Variants in RAD51C observed in about 807,000 individuals in gnomAD.
RAD51C encodes the protein RAD51 paralog C.
In RAD51C, 42 loss-of-function variants were observed where a neutral mutation model predicts 45.0. That is an observed-to-expected ratio of 0.93 (90% CI 0.73 to 1.21). RAD51C has a LOEUF of 1.21. Among genes scored for constraint, RAD51C ranks in the 50% most tolerant of loss-of-function variants. The probability of loss-of-function intolerance (pLI) is 0.00; values close to 1 mark genes in which losing one functional copy is unlikely to be tolerated. For missense variants in RAD51C, 474 were observed against 452.2 expected (o/e 1.05, Z -0.44); for synonymous variants, 172 against 159.8 (o/e 1.08, Z -0.58).
At position 58,713,621 on chromosome 17, in the gene RAD51C, A is replaced by C. The variant is rs994110898; in HGVS notation, c.837+3631A>C. Among the ~76,000 whole-genome samples, 9 of 152,082 alleles carry C rather than the reference A, an allele frequency of 5.9e-5. No individual in the cohort carries two copies. The East Asian group carries it at 1.5e-3, about 26-fold the overall frequency. On this transcript the variant is annotated intron_variant, in intron 5 of 8. Transcript: ENST00000337432. ...TCAGGAGTTCAAGACCAGCCTTGCC[A>C]ACATGGTGAAACCTTGTCTCTACTA...
At position 58,709,987 on chromosome 17, in the gene RAD51C, A is replaced by C. The variant is rs543416334; in HGVS notation, c.834A>C (p.Leu278Phe). 2 of 1,612,098 alleles carry C rather than the reference A, an allele frequency of 1.2e-6. No individual in the cohort carries two copies. Among genetic ancestry groups the C allele is most frequent in the South Asian group, 2.2e-5 (2 of 91,038 alleles). The change falls in exon 5 of 9, where the codon TTA becomes TTC. Residue 278 changes from leucine to phenylalanine, a missense_variant. Transcript: ENST00000337432. ...QMISLANNHR[L>F]AVILTNQMTT... ...TCAGCCTTGCAAATAATCACAGATTAGCTGTAAGTATTAACTAGTGAAGAG... is the reference window on the plus strand; with the variant it reads ...TCAGCCTTGCAAATAATCACAGATTCGCTGTAAGTATTAACTAGTGAAGAG...
intron 4 of RAD51C, 117 bp downstream of exon 4, chr17:58,703,446 C>A (rs2048280598): frequency 4.5e-6 from 5 of 1,099,056 alleles, no homozygotes; most frequent in Middle Eastern, 2.9e-4. Flanking sequence ...TTGAGAAAAT[C>A]TCTTCCTTCC....
intron 3 of RAD51C, among the ~76,000 whole-genome samples, chr17:58,699,277 A>G (rs1177096855): frequency 6.6e-6 from 1 of 152,112 alleles, no homozygotes; most frequent in Non-Finnish European, 1.5e-5. Context: ...AAGTGCTGGG[A>G]TTACAGGCAT....
chr17:58,727,599 G>A (rs2049217795), intron 7 of RAD51C, among the ~76,000 whole-genome samples: 1 of 151,076 alleles, frequency 6.6e-6, no homozygotes, highest in African/African-American at 2.4e-5. Flanking sequence ...GATAAATAAT[G>A]TACATACTTT....
At chr17:58,727,936 TAAAAA>T in intron 7 of RAD51C, among the ~76,000 whole-genome samples, 2 of 136,932 alleles carry the variant, frequency 1.5e-5, no homozygotes, top group Middle Eastern at 3.6e-3. Flanking sequence ...TCTAAGATAT[TAAAAA>T]AAAAAAAAAA....
At chr17:58,704,838 T>A (rs2048324949) in intron 4 of RAD51C, among the ~76,000 whole-genome samples, 1 of 152,166 alleles carries the variant, frequency 6.6e-6, no homozygotes, top group Non-Finnish European at 1.5e-5. Flanking sequence ...ATCCTGACCT[T>A]TTGAATATTT....
intron 2 of RAD51C, chr17:58,695,491 A>T (rs888760073): frequency 7.3e-5 from 34 of 467,912 alleles, no homozygotes; most frequent in African/African-American, 7.2e-4. Context: ...CAGATGTTTG[A>T]AAGTAGATTT....
chr17:58,722,005 T>G (rs1243821180), intron 6 of RAD51C, among the ~76,000 whole-genome samples: 1 of 152,150 alleles, frequency 6.6e-6, no homozygotes, highest in East Asian at 1.9e-4. Context: ...AAGAGCTTCC[T>G]AATGTTTGGA....
chr17:58,720,661 TG>T, intron 5 of RAD51C, 84 bp from the exon 6 acceptor site: 1 of 1,000,124 alleles, frequency 1.0e-6, no homozygotes, highest in Non-Finnish European at 1.6e-6. Context: ...TTAGTAGAGA[TG>T]GGGTTTCACA....
At chr17:58,701,932 TTATAC>T (rs1488080817) in intron 3 of RAD51C, among the ~76,000 whole-genome samples, 1 of 152,132 alleles carries the variant, frequency 6.6e-6, no homozygotes, top group African/African-American at 2.4e-5. Flanking sequence ...AAATATCAAA[TTATAC>T]TATAGCATTC....
At chr17:58,692,958 T>G (rs2047835570) in intron 1 of RAD51C, 170 bp downstream of exon 1, 4 of 938,118 alleles carry the variant, frequency 4.3e-6, no homozygotes, top group Middle Eastern at 2.2e-4. Flanking sequence ...GTTGTCTGAA[T>G]GGTTAGGAGA....
At chr17:58,717,074 C>T (rs1331474067) in intron 5 of RAD51C, among the ~76,000 whole-genome samples, 2 of 151,098 alleles carry the variant, frequency 1.3e-5, no homozygotes, top group African/African-American at 4.9e-5. Context: ...GCTGGGATTA[C>T]AGTCGTGAGC....
In RAD51C at chr17:58,697,564, A is replaced by T. The variant is rs75931966; in HGVS notation, c.571+705A>T. On this transcript the variant is annotated intron_variant, in intron 3 of 8. Transcript: ENST00000337432. The stretch of plus-strand genomic sequence containing the variant: ...TTAAAAAAAAAAAAAAAAACCAAAA[A>T]AAAAAACCACGTCTGAAATGTTTGG... 4.9e-4 allele frequency among the ~76,000 whole-genome samples: 74 copies of T among 151,094 alleles called. No homozygotes were observed. In the East Asian group the frequency reaches 0.012, roughly 24 times the overall value.
At chr17:58,709,231 A>G (rs1223365005) in intron 4 of RAD51C, among the ~76,000 whole-genome samples, 1 of 151,202 alleles carries the variant, frequency 6.6e-6, no homozygotes, top group Non-Finnish European at 1.5e-5. Context: ...GGTGCCTGCC[A>G]CTGTGCCTGG....
At position 58,703,278 on chromosome 17, in the gene RAD51C, G is replaced by GT. The variant is rs2048273367; in HGVS notation, c.656dup (p.Leu219PhefsTer33). ...ATTTTCGCTGTCGTGACTACACAGA[G>GT]TTACTGGCACAAGTTTATCTTCTTC... On this transcript the variant is annotated frameshift_variant, in exon 4 of 9. Coordinates refer to ENST00000337432, the MANE Select transcript of RAD51C (RefSeq NM_058216.3). LOFTEE classifies it high-confidence loss of function. The GT allele has an allele frequency of 6.2e-7, 1 of 1,610,200 alleles. No homozygotes were observed.
intron 1 of RAD51C, chr17:58,694,326 G>T: frequency 6.5e-6 from 1 of 154,042 alleles, no homozygotes; most frequent in Admixed American, 6.4e-5. Flanking sequence ...AGACCAAAAG[G>T]GATAGTAAAA....
At chr17:58,696,071 GAAAAAA>G (rs71143275) in intron 2 of RAD51C, among the ~76,000 whole-genome samples, 1 of 132,414 alleles carries the variant, frequency 7.6e-6, no homozygotes, top group African/African-American at 2.8e-5. Flanking sequence ...TGTCTCAAAA[GAAAAAA>G]AAAAAAGGTA....
intron 5 of RAD51C, among the ~76,000 whole-genome samples, chr17:58,714,358 A>T: frequency 6.6e-6 from 1 of 152,178 alleles, no homozygotes; most frequent in Admixed American, 6.5e-5. Context: ...TATGTTATAA[A>T]ATTACCCTCA....
intron 2 of RAD51C, chr17:58,695,500 T>C (rs2047971867): frequency 2.4e-6 from 1 of 409,140 alleles, no homozygotes; most frequent in Admixed American, 6.4e-5. Context: ...GAAAGTAGAT[T>C]TATGGCTAGG....
Sources: gnomAD v4.1 joint callset for allele counts (sites outside exome capture counted in the v4.1 genomes callset) on GRCh38, gnomAD v4.1.1 for gene constraint, MANE v1.5 for transcripts, NCBI Gene and HGNC (gene_info 2026-07-23, HGNC 2026-07-21) for gene names.